SIAH3: variants seen among roughly 807,000 people sequenced by gnomAD.
SIAH3 encodes the protein siah E3 ubiquitin protein ligase family member 3.
Under a neutral mutation model 12.6 loss-of-function variants are expected in SIAH3, and 9 were observed. The observed-to-expected ratio is 0.72, with a 90% confidence interval of 0.43 to 1.25. The LOEUF is 1.25. Ranked by LOEUF, SIAH3 falls within the 50% of genes most tolerant of loss-of-function variation. The probability of loss-of-function intolerance (pLI) is 0.00; values close to 1 mark genes in which losing one functional copy is unlikely to be tolerated. For missense variants in SIAH3, 390 were observed against 365.4 expected (o/e 1.07, Z -0.55); for synonymous variants, 154 against 151.1 (o/e 1.02, Z -0.14).
chr13:45,805,532 A>G (rs1253036544), intron 1 of SIAH3, among the ~76,000 whole-genome samples: 1 of 152,214 alleles, frequency 6.6e-6, no homozygotes, highest in Admixed American at 6.5e-5. Flanking sequence ...TATATGCAGA[A>G]GAATGAAAAT....
intron 1 of SIAH3, among the ~76,000 whole-genome samples, chr13:45,789,351 A>T (rs1950537834): frequency 6.8e-6 from 1 of 148,064 alleles, no homozygotes. Flanking sequence ...CTATCTGTGT[A>T]TCTATCATCT....
chr13:45,832,601 G>A (rs78392485), intron 1 of SIAH3, among the ~76,000 whole-genome samples: 414 of 152,226 alleles, frequency 2.7e-3, no homozygotes, highest in African/African-American at 9.4e-3. Context: ...ATGGACACTC[G>A]GTTGTTTCCA....
intron 1 of SIAH3, among the ~76,000 whole-genome samples, chr13:45,817,845 G>A (rs1290465880): frequency 6.6e-6 from 1 of 152,184 alleles, no homozygotes; most frequent in East Asian, 1.9e-4. Context: ...TGAAAATCTG[G>A]TCTGAGGTCT....
chr13:45,837,498 AAG>A (rs1049864482), intron 1 of SIAH3, among the ~76,000 whole-genome samples: 2 of 151,572 alleles, frequency 1.3e-5, no homozygotes, highest in Non-Finnish European at 2.9e-5. Flanking sequence ...AAGAAAAAGA[AAG>A]AAAGAAAAAT....
At chr13:45,845,893 G>A (rs1950757941) in intron 1 of SIAH3, among the ~76,000 whole-genome samples, 1 of 151,770 alleles carries the variant, frequency 6.6e-6, no homozygotes, top group Admixed American at 6.6e-5. Context: ...AGGGGAGATG[G>A]TAGAGTGTGT....
At chr13:45,840,517 C>G (rs1253163717) in intron 1 of SIAH3, among the ~76,000 whole-genome samples, 1 of 152,122 alleles carries the variant, frequency 6.6e-6, no homozygotes, top group Non-Finnish European at 1.5e-5. Flanking sequence ...AAAACAGAGC[C>G]TGAGATAATG....
chr13:45,800,488 T>C (rs566579117), intron 1 of SIAH3, among the ~76,000 whole-genome samples: 1 of 152,222 alleles, frequency 6.6e-6, no homozygotes, highest in Non-Finnish European at 1.5e-5. Flanking sequence ...GAATTTGCTG[T>C]CTTTTCTCAG....
chr13:45,780,886 C>A lies in SIAH3; in HGVS notation c.*2497G>T, dbSNP rs1950501397. 1 of 152,126 alleles carries A rather than the reference C, an allele frequency of 6.6e-6. No homozygotes were observed. Among genetic ancestry groups the A allele is most frequent in the Non-Finnish European group, 1.5e-5 (1 of 68,044 alleles). The allele number at this position is 152,126 out of a possible 1,614,324, so 9.4% of individuals were successfully genotyped here. On this transcript the variant is annotated 3_prime_UTR_variant, in exon 2 of 2. Coordinates refer to ENST00000400405, the MANE Select transcript of SIAH3 (RefSeq NM_198849.3). ...AACCTGAGACTCAAATCAAAGAGCC[C>A]TTCAGGAACTGTGAAGCTCAAATAC...
chr13:45,818,942 G>T (rs985398967), intron 1 of SIAH3, among the ~76,000 whole-genome samples: 8 of 152,210 alleles, frequency 5.3e-5, no homozygotes, highest in African/African-American at 1.9e-4. Context: ...GTGCTAGGGT[G>T]TTAGGGGTAT....
rs58472474 is a variant in SIAH3 at position 45,815,083 on chromosome 13, A to AT, written c.136-31027dup. Among the ~76,000 whole-genome samples, 1,318 of 132,290 alleles carry AT rather than the reference A, an allele frequency of 1.0e-2. 8 individuals are homozygous for AT. The highest frequency in any genetic ancestry group is 0.026 in the Middle Eastern group (6 of 230). 86.8% of individuals were successfully genotyped at this position (132,290 alleles called of 152,430 possible). On this transcript the variant is annotated intron_variant, in intron 1 of 1. Coordinates refer to ENST00000400405, the MANE Select transcript of SIAH3 (RefSeq NM_198849.3). ...TTCTGCACCAACCTAATAGACCTTC[A>AT]TTTTTTTTTTTTTTTTAATCAACCA...
intron 1 of SIAH3, among the ~76,000 whole-genome samples, chr13:45,815,428 C>A (rs1244355582): frequency 6.6e-6 from 1 of 152,138 alleles, no homozygotes; most frequent in African/African-American, 2.4e-5. Context: ...AGCATCAGCT[C>A]TTCCCTGGGT....
chr13:45,809,883 T>C (rs1357483741), intron 1 of SIAH3, among the ~76,000 whole-genome samples: 3 of 152,172 alleles, frequency 2.0e-5, no homozygotes, highest in African/African-American at 7.2e-5. Context: ...AATAATGTAG[T>C]CAAGGGGGAG....
intron 1 of SIAH3, among the ~76,000 whole-genome samples, chr13:45,801,222 C>T (rs940442532): frequency 1.3e-5 from 2 of 152,148 alleles, no homozygotes; most frequent in African/African-American, 4.8e-5. Flanking sequence ...CATTCTCCCT[C>T]AGTACCAAAT....
intron 1 of SIAH3, among the ~76,000 whole-genome samples, chr13:45,819,824 C>T (rs1166854198): frequency 6.6e-6 from 1 of 152,172 alleles, no homozygotes; most frequent in African/African-American, 2.4e-5. Context: ...CTTCTGCCCT[C>T]CTCTCTTGGT....
At chr13:45,833,479 G>GCA (rs1161932000) in intron 1 of SIAH3, among the ~76,000 whole-genome samples, 1 of 145,150 alleles carries the variant, frequency 6.9e-6, no homozygotes, top group East Asian at 2.2e-4. Context: ...ACACACACAT[G>GCA]CACACACACA....
chr13:45,815,812 T>C (rs1950632462), intron 1 of SIAH3, among the ~76,000 whole-genome samples: 2 of 152,162 alleles, frequency 1.3e-5, no homozygotes, highest in South Asian at 4.1e-4. Context: ...TCTAGATAAG[T>C]GGATTAACTT....
At chr13:45,824,505 C>T (rs1950666856) in intron 1 of SIAH3, among the ~76,000 whole-genome samples, 1 of 152,222 alleles carries the variant, frequency 6.6e-6, no homozygotes. Context: ...CTGGAAGGCT[C>T]TGGGCCTAAC....
chr13:45,816,334 G>A (rs1409475248), intron 1 of SIAH3, among the ~76,000 whole-genome samples: 1 of 152,180 alleles, frequency 6.6e-6, no homozygotes, highest in Non-Finnish European at 1.5e-5. Flanking sequence ...TTCATCCTAG[G>A]ATCCTGATGA....
rs974094784 is a variant in SIAH3, at chr13:45,822,071, G to A, written c.135+29424C>T. 3.9e-5 allele frequency among the ~76,000 whole-genome samples: 6 copies of A among 152,228 alleles called. No homozygotes were observed. In the South Asian group the frequency reaches 6.2e-4, roughly 16 times the overall value. ...ATGTGTCCCCTGCTGCAAGTGACACGTGGACCCAGAGTGTCTCAGAGAAAT... is the reference window on the plus strand; with the variant it reads ...ATGTGTCCCCTGCTGCAAGTGACACATGGACCCAGAGTGTCTCAGAGAAAT... On this transcript the variant is annotated intron_variant, in intron 1 of 1. Transcript: ENST00000400405.
Sources: allele counts gnomAD v4.1 joint callset (sites outside exome capture counted in the v4.1 genomes callset), GRCh38; gene constraint gnomAD v4.1.1; transcripts MANE v1.5; gene names NCBI Gene and HGNC (gene_info 2026-07-23, HGNC 2026-07-21).